DOCK1: variants seen among roughly 807,000 people sequenced by gnomAD.
DOCK1 encodes dedicator of cytokinesis 1.
A neutral mutation model predicts 262.7 loss-of-function variants in DOCK1; 138 were observed. The observed-to-expected ratio is 0.53, with a 90% CI of 0.46 to 0.61. The LOEUF is 0.61. DOCK1 is among the 20% of genes least tolerant of loss of function. The pLI is 0.00. For missense variants in DOCK1, 1,908 were observed against 2,370.7 expected (o/e 0.80, Z 4.05); for synonymous variants, 866 against 867.4 (o/e 1.00, Z 0.03).
intron 25 of DOCK1, among the ~76,000 whole-genome samples, chr10:127,111,868 G>A (rs575161184): frequency 1.3e-5 from 2 of 152,246 alleles, no homozygotes; most frequent in South Asian, 2.1e-4. Flanking sequence ...GATGAATTGT[G>A]CTTGATTTTT....
chr10:127,092,497 G>T (rs2136107794), intron 23 of DOCK1, among the ~76,000 whole-genome samples: 1 of 152,314 alleles, frequency 6.6e-6, no homozygotes, highest in Non-Finnish European at 1.5e-5. Flanking sequence ...AGGAAAAGTT[G>T]AGGAACCTTG....
At chr10:127,155,396 A>G (rs1460373587) in intron 27 of DOCK1, among the ~76,000 whole-genome samples, 1 of 152,132 alleles carries the variant, frequency 6.6e-6, no homozygotes, top group Non-Finnish European at 1.5e-5. Context: ...AAGTGTTGCC[A>G]GGCACTTTCT....
intron 29 of DOCK1, among the ~76,000 whole-genome samples, chr10:127,262,142 CTG>C (rs758170640): frequency 7.2e-5 from 7 of 97,740 alleles, no homozygotes; most frequent in South Asian, 6.8e-4. Context: ...CCGTGCTCGT[CTG>C]TGTGTGTACC....
chr10:127,341,408 A>G (rs2063419393), intron 30 of DOCK1, among the ~76,000 whole-genome samples: 1 of 152,176 alleles, frequency 6.6e-6, no homozygotes, highest in Non-Finnish European at 1.5e-5. Flanking sequence ...GGAGTTTAAA[A>G]TCAGATAGCT....
Position 126,998,129 on chromosome 10 carries a change from A to C in DOCK1, c.647A>C (p.Lys216Thr). The change falls in exon 8 of 52, where the codon AAG becomes ACG. Residue 216 changes from lysine (K) to threonine (T), a missense_variant. Coordinates refer to ENST00000623213, the MANE Select transcript of DOCK1 (RefSeq NM_001290223.2). ...AACATAGATATTAACAGACAAGCCA[A>C]GTTTGCTGCAACCCCTTCTCTGGCC... ...KQNIDINRQAKFAATPSLALF... is the reference protein window; with the variant it reads ...KQNIDINRQATFAATPSLALF... 2.5e-6 allele frequency: 4 copies of C among 1,614,008 alleles called. No individual in the cohort carries two copies. Among genetic ancestry groups the C allele is most frequent in the Non-Finnish European group, 3.4e-6 (4 of 1,179,894 alleles).
At chr10:127,379,670 A>G (rs952210663) in intron 35 of DOCK1, among the ~76,000 whole-genome samples, 1 of 152,246 alleles carries the variant, frequency 6.6e-6, no homozygotes, top group African/African-American at 2.4e-5. Context: ...CTGGGCCCAG[A>G]AAGCTTTAAA....
In DOCK1 at chr10:127,435,235, GTTTTACTGCTGA is replaced by G. The variant is rs1183130665; in HGVS notation, c.5060+1811_5060+1822del. The stretch of plus-strand genomic sequence containing the variant: ...AAACAACACAGAAGAACCTCTAATT[GTTTTACTGCTGA>G]TTTGTACAGTTGTTTGTGTGTCCAA... On this transcript the variant is annotated intron_variant, in intron 48 of 51. Transcript: ENST00000623213. 3.3e-5 allele frequency among the ~76,000 whole-genome samples: 5 copies of G among 152,232 alleles called. No homozygotes were observed. The East Asian group carries it at 9.7e-4, about 29-fold the overall frequency.
At chr10:127,419,256 G>T (rs760578850) in intron 45 of DOCK1, among the ~76,000 whole-genome samples, 1 of 152,232 alleles carries the variant, frequency 6.6e-6, no homozygotes. Flanking sequence ...AGAGAAGGCT[G>T]CGAGGAGATG....
At chr10:127,024,037 G>A (rs1000437125) in intron 14 of DOCK1, among the ~76,000 whole-genome samples, 2 of 152,148 alleles carry the variant, frequency 1.3e-5, no homozygotes, top group Admixed American at 1.3e-4. Flanking sequence ...GGTCCACCTG[G>A]GAGGTACTTA....
At chr10:127,220,045 T>C (rs2058367576) in intron 27 of DOCK1, among the ~76,000 whole-genome samples, 1 of 152,058 alleles carries the variant, frequency 6.6e-6, no homozygotes, top group Non-Finnish European at 1.5e-5. Context: ...GAGCATGAGT[T>C]CAAAATCAAT....
intron 1 of DOCK1, among the ~76,000 whole-genome samples, chr10:126,941,921 A>G (rs1282733500): frequency 6.6e-6 from 1 of 152,162 alleles, no homozygotes; most frequent in African/African-American, 2.4e-5. Context: ...AATTTTGCCA[A>G]TTATTCTCTT....
chr10:126,967,413 G>A (rs2037754589), intron 1 of DOCK1, among the ~76,000 whole-genome samples: 1 of 152,292 alleles, frequency 6.6e-6, no homozygotes, highest in Admixed American at 6.5e-5. Flanking sequence ...GGACTTGTCT[G>A]GGTTTAGGTG....
At chr10:127,142,904 T>C (rs1472722536) in intron 27 of DOCK1, among the ~76,000 whole-genome samples, 1 of 152,214 alleles carries the variant, frequency 6.6e-6, no homozygotes, top group Admixed American at 6.5e-5. Flanking sequence ...ACAACATGAT[T>C]ATTCTGTACA....
intron 23 of DOCK1, among the ~76,000 whole-genome samples, chr10:127,066,161 G>A (rs1355473857): frequency 1.3e-5 from 2 of 152,036 alleles, no homozygotes; most frequent in African/African-American, 4.8e-5. Context: ...CCCTCGAGTC[G>A]TGTTCTGTGT....
chr10:127,226,961 C>A (rs1348069869), intron 27 of DOCK1, among the ~76,000 whole-genome samples: 1 of 152,146 alleles, frequency 6.6e-6, no homozygotes, highest in Non-Finnish European at 1.5e-5. Context: ...TTTAAAGGGT[C>A]ATTTCTCACT....
chr10:127,052,014 T>A (rs1001801859), intron 21 of DOCK1, among the ~76,000 whole-genome samples: 3 of 152,160 alleles, frequency 2.0e-5, no homozygotes, highest in African/African-American at 7.2e-5. Context: ...ATCTCTTCGA[T>A]TTTATTGTTT....
intron 23 of DOCK1, among the ~76,000 whole-genome samples, chr10:127,093,148 C>T (rs1038664938): frequency 9.9e-5 from 15 of 151,950 alleles, no homozygotes; most frequent in Middle Eastern, 3.4e-3. Context: ...TCGTGTCTGC[C>T]TCTGCCTTCC....
intron 27 of DOCK1, among the ~76,000 whole-genome samples, chr10:127,202,216 G>A (rs1447387834): frequency 1.3e-4 from 20 of 152,044 alleles, no homozygotes; most frequent in Admixed American, 1.2e-3. Flanking sequence ...CCAGCTAGTC[G>A]GTAAGCTGAG....
At chr10:126,994,465 C>T (rs11016848) in intron 6 of DOCK1, among the ~76,000 whole-genome samples, 16,158 of 152,164 alleles carry the variant, frequency 0.11, 941 homozygotes, top group African/African-American at 0.15. Context: ...GAGGACCCTG[C>T]GGCCTTCCGC....
Sources: gnomAD v4.1 joint callset for allele counts (sites outside exome capture counted in the v4.1 genomes callset) on GRCh38, gnomAD v4.1.1 for gene constraint, MANE v1.5 for transcripts, NCBI Gene and HGNC (gene_info 2026-07-23, HGNC 2026-07-21) for gene names.